Variants in CENPC observed in about 807,000 individuals in gnomAD.
The protein encoded by CENPC is CENP-C 1.
CENPC carries 63 observed loss-of-function variants against 112.1 expected under a neutral mutation model. The observed-to-expected ratio is 0.56, with a 90% CI of 0.46 to 0.69. The LOEUF is 0.69. CENPC is among the 30% of genes least tolerant of loss of function. CENPC has a pLI of 0.00. For missense variants in CENPC, 1,000 were observed against 1,103.8 expected (o/e 0.91, Z 1.33); for synonymous variants, 333 against 367.6 (o/e 0.91, Z 1.08).
chr4:67,500,443 G>A (rs1725562032), intron 12 of CENPC, among the ~76,000 whole-genome samples: 2 of 152,194 alleles, frequency 1.3e-5, no homozygotes, highest in African/African-American at 4.8e-5. Context: ...ATCACGTCAA[G>A]TGCCCAAATC....
chr4:67,508,728 C>T, intron 10 of CENPC, 86 bp downstream of exon 10: 1 of 1,237,206 alleles, frequency 8.1e-7, no homozygotes, highest in Non-Finnish European at 1.1e-6. Flanking sequence ...ATGCTAATTA[C>T]TGCCTGTCCA....
chr4:67,501,948 A>T lies in CENPC; in HGVS notation c.2131+3257T>A, dbSNP rs1426571155. Among the ~76,000 whole-genome samples, 7 of 137,242 alleles carry T rather than the reference A, an allele frequency of 5.1e-5. No individual in the cohort carries two copies. The East Asian group carries it at 1.5e-3, about 30-fold the overall frequency. The allele number at this position is 137,242 out of a possible 152,430, so 90.0% of individuals were successfully genotyped here. On this transcript the variant is annotated intron_variant, in intron 12 of 18. Transcript: ENST00000273853. ...ATTATTTCAAAATAAATTATTTTTT[A>T]AGTGACTAACACAAGGGACAACTCC...
At chr4:67,498,182 C>T (rs956467399) in intron 12 of CENPC, among the ~76,000 whole-genome samples, 3 of 152,036 alleles carry the variant, frequency 2.0e-5, no homozygotes, top group Non-Finnish European at 4.4e-5. Flanking sequence ...TTTCAGTGAG[C>T]CGAGATCACA....
intron 12 of CENPC, among the ~76,000 whole-genome samples, chr4:67,499,644 T>C (rs1480842987): frequency 6.6e-6 from 1 of 152,206 alleles, no homozygotes; most frequent in Non-Finnish European, 1.5e-5. Context: ...AACCTCTATA[T>C]CAGCAGTAAG....
intron 5 of CENPC, 29 bp downstream of exon 5, chr4:67,530,786 C>A: frequency 8.6e-7 from 1 of 1,159,136 alleles, no homozygotes; most frequent in Non-Finnish European, 1.2e-6. Flanking sequence ...TATATCCAAG[C>A]AAATAATGCC....
chr4:67,495,636 G>A (rs570915162), intron 12 of CENPC, among the ~76,000 whole-genome samples: 4 of 152,096 alleles, frequency 2.6e-5, no homozygotes, highest in South Asian at 4.2e-4. Context: ...TCTAAACAGT[G>A]TAACAGTTAA....
In CENPC at chr4:67,539,852, T is replaced by G. The variant is rs372229056; in HGVS notation, c.219A>C (p.Ser73=). The G allele has an allele frequency of 1.1e-4, 161 of 1,524,052 alleles. No individual in the cohort carries two copies. Among genetic ancestry groups the G allele is most frequent in the South Asian group, 2.6e-4 (21 of 79,396 alleles). 94.4% of individuals were successfully genotyped at this position (1,524,052 alleles called of 1,614,324 possible). A position where few individuals can be genotyped will look rare whatever the true frequency, so the allele number is the denominator to read the frequency against. The change falls in exon 4 of 19, where the codon TCA becomes TCC. Residue 73 remains serine, a synonymous_variant. Coordinates refer to ENST00000273853, the MANE Select transcript of CENPC (RefSeq NM_001812.4). ...CTTTATCACTTACCTCTTTGCTTGG[T>G]GACTGAATACAAGTGTCTTTTATTT... ...TRKIKDTCIQ[S]PSKECQKSHP...
intron 12 of CENPC, among the ~76,000 whole-genome samples, chr4:67,498,219 A>C (rs1435093216): frequency 6.6e-6 from 1 of 152,164 alleles, no homozygotes; most frequent in Non-Finnish European, 1.5e-5. Context: ...TGGGTATTAG[A>C]GCAAGCCTCT....
intron 17 of CENPC, among the ~76,000 whole-genome samples, chr4:67,489,421 G>A (rs578071658): frequency 9.7e-4 from 148 of 151,884 alleles, no homozygotes; most frequent in African/African-American, 3.4e-3. Context: ...GCTTAGTCCT[G>A]AGTCTATGTC....
intron 2 of CENPC, 52 bp downstream of exon 2, chr4:67,544,097 C>A (rs764386435): frequency 5.3e-5 from 48 of 908,202 alleles, no homozygotes; most frequent in Non-Finnish European, 7.7e-5. Flanking sequence ...ATTTAAAAAT[C>A]TATTAACGAT....
chr4:67,500,167 T>TG (rs1054141056), intron 12 of CENPC, among the ~76,000 whole-genome samples: 1 of 151,280 alleles, frequency 6.6e-6, no homozygotes, highest in Admixed American at 6.6e-5. Flanking sequence ...CACATGCTAT[T>TG]GAAAAAAAAA....
At chr4:67,535,135 C>A (rs1458721823) in intron 4 of CENPC, among the ~76,000 whole-genome samples, 1 of 151,898 alleles carries the variant, frequency 6.6e-6, no homozygotes, top group East Asian at 1.9e-4. Context: ...AAAAGGGAGG[C>A]TTGATATGAA....
intron 17 of CENPC, among the ~76,000 whole-genome samples, chr4:67,478,929 A>G (rs773797395): frequency 6.6e-6 from 1 of 152,206 alleles, no homozygotes; most frequent in Non-Finnish European, 1.5e-5. Context: ...CTATTCTTAT[A>G]TCAGACAAAA....
chr4:67,480,604 C>G (rs548621450), intron 17 of CENPC, among the ~76,000 whole-genome samples: 1 of 152,260 alleles, frequency 6.6e-6, no homozygotes, highest in South Asian at 2.1e-4. Context: ...TGGTACCAAT[C>G]CAACTGAAAT....
intron 5 of CENPC, among the ~76,000 whole-genome samples, chr4:67,529,135 C>A (rs763274376): frequency 1.3e-5 from 2 of 152,132 alleles, no homozygotes; most frequent in Non-Finnish European, 1.5e-5. Flanking sequence ...AAAGTCTATA[C>A]ACAGAATGTA....
intron 16 of CENPC, among the ~76,000 whole-genome samples, chr4:67,491,523 A>AGC (rs1560423415): frequency 5.0e-4 from 67 of 132,740 alleles, no homozygotes; most frequent in African/African-American, 1.7e-3. Context: ...AGAGAGAGAG[A>AGC]GAGAGCCTGG....
intron 16 of CENPC, among the ~76,000 whole-genome samples, chr4:67,491,474 T>G (rs866766034): frequency 0.096 from 2,999 of 31,220 alleles, 111 homozygotes; most frequent in East Asian, 0.21. Flanking sequence ...TATATATATA[T>G]ATATATAGAG....
chr4:67,545,399 C>T lies in CENPC; in HGVS notation c.-44G>A. 1 of 1,483,878 alleles carries T rather than the reference C, an allele frequency of 6.7e-7. No individual in the cohort carries two copies. The highest frequency in any genetic ancestry group is 9.0e-7 in the Non-Finnish European group (1 of 1,112,670). 91.9% of individuals were successfully genotyped at this position (1,483,878 alleles called of 1,614,324 possible). ...CAGCGCAACTGTCTGAGGTGGAAGC[C>T]CACACGGACCACAGCTCCAGGAAGC... On this transcript the variant is annotated 5_prime_UTR_variant, in exon 1 of 19. Coordinates refer to ENST00000273853, the MANE Select transcript of CENPC (RefSeq NM_001812.4).
chr4:67,503,321 A>G (rs2109790529), intron 12 of CENPC, among the ~76,000 whole-genome samples: 1 of 152,194 alleles, frequency 6.6e-6, no homozygotes, highest in Admixed American at 6.6e-5. Flanking sequence ...ATTTACCCAG[A>G]CAGCTGCACG....
Sources: allele counts gnomAD v4.1 joint callset (sites outside exome capture counted in the v4.1 genomes callset), GRCh38; gene constraint gnomAD v4.1.1; transcripts MANE v1.5; gene names NCBI Gene and HGNC (gene_info 2026-07-23, HGNC 2026-07-21).